EML4: variants seen among roughly 807,000 people sequenced by gnomAD.
EML4 encodes the protein EMAP like 4.
A neutral mutation model predicts 129.0 loss-of-function variants in EML4; 72 were observed. That is an observed-to-expected ratio of 0.56 (90% confidence interval 0.46 to 0.68). The LOEUF (loss-of-function observed/expected upper bound fraction) is 0.68, where lower values mean the gene tolerates loss of function less well. Among genes scored for constraint, EML4 ranks in the 30% least tolerant of loss-of-function variants. The pLI, the probability that EML4 is intolerant of heterozygous loss-of-function variation, is 0.00. For synonymous variants in EML4, 532 were observed against 405.0 expected, an observed-to-expected ratio of 1.31 and a Z score of -3.77; for missense variants, 1,363 against 1,190.6, an observed-to-expected ratio of 1.14 and a Z score of -2.13.
At chr2:42,310,866 A>C (rs555266046) in intron 17 of EML4, among the ~76,000 whole-genome samples, 5 of 152,336 alleles carry the variant, frequency 3.3e-5, no homozygotes, top group African/African-American at 1.2e-4. Context: ...CTCTGAGCCC[A>C]AAAGTCTTTT....
intron 1 of EML4, among the ~76,000 whole-genome samples, chr2:42,221,162 T>C (rs569098258): frequency 2.0e-5 from 3 of 152,176 alleles, no homozygotes; most frequent in African/African-American, 4.8e-5. Context: ...CACTGTCTTA[T>C]ATTAGAAAAA....
At chr2:42,175,371 C>T (rs1670541722) in intron 1 of EML4, among the ~76,000 whole-genome samples, 1 of 152,224 alleles carries the variant, frequency 6.6e-6, no homozygotes, top group African/African-American at 2.4e-5. Context: ...CCTCGGCCTT[C>T]CAAAGTGCTG....
chr2:42,192,446 G>A (rs1375507107), intron 1 of EML4, among the ~76,000 whole-genome samples: 2 of 151,896 alleles, frequency 1.3e-5, no homozygotes, highest in Non-Finnish European at 2.9e-5. Flanking sequence ...CACCACGTTG[G>A]CCGGACTGGT....
intron 13 of EML4, among the ~76,000 whole-genome samples, chr2:42,297,806 GA>G (rs1247469684): frequency 1.3e-5 from 2 of 152,190 alleles, no homozygotes; most frequent in Non-Finnish European, 2.9e-5. Flanking sequence ...TTGGATGGCA[GA>G]AGTATAATTT....
At chr2:42,282,736 CTTCCTAA>C in intron 7 of EML4, 80 bp from the exon 8 acceptor site, 1 of 1,180,794 alleles carries the variant, frequency 8.5e-7, no homozygotes, top group Non-Finnish European at 1.2e-6. Flanking sequence ...TTCATTGTAC[CTTCCTAA>C]TTCCTTAAGT....
intron 1 of EML4, among the ~76,000 whole-genome samples, chr2:42,220,274 T>C (rs1673500691): frequency 6.6e-6 from 1 of 150,930 alleles, no homozygotes; most frequent in Admixed American, 6.6e-5. Flanking sequence ...TGAAGGTTTT[T>C]GGCAACCCTG....
At position 42,305,921 on chromosome 2, in the gene EML4, G is replaced by C. The variant is rs1572727395; in HGVS notation, c.1967+1370G>C. Among the ~76,000 whole-genome samples, 3 of 152,094 alleles carry C rather than the reference G, an allele frequency of 2.0e-5. No individual in the cohort carries two copies. In the South Asian group the frequency reaches 6.2e-4, roughly 31 times the overall value. On this transcript the variant is annotated intron_variant, in intron 17 of 22. Coordinates refer to ENST00000318522, the MANE Select transcript of EML4 (RefSeq NM_019063.5). Reference sequence around the variant, plus strand: ...TAGCGATTTTTCCTTCTGGCTGTTAGATACAAATTAACACCTGAAATGTGA... The same window carrying C: ...TAGCGATTTTTCCTTCTGGCTGTTACATACAAATTAACACCTGAAATGTGA...
At chr2:42,203,005 G>A (rs748959081) in intron 1 of EML4, among the ~76,000 whole-genome samples, 8 of 152,100 alleles carry the variant, frequency 5.3e-5, no homozygotes, top group Admixed American at 1.3e-4. Flanking sequence ...TCCAGCCTGG[G>A]TGACAAGAGT....
In EML4 at chr2:42,331,032, G is replaced by A. The variant is rs1029278811; in HGVS notation, c.*825G>A. On this transcript the variant is annotated 3_prime_UTR_variant, in exon 23 of 23. Coordinates refer to ENST00000318522, the MANE Select transcript of EML4 (RefSeq NM_019063.5). ...TGTTTGAGATTCAAGTGAATGGAAGGAAAACCACATGCCTTTAAAACTAAA... is the reference window on the plus strand; with the variant it reads ...TGTTTGAGATTCAAGTGAATGGAAGAAAAACCACATGCCTTTAAAACTAAA... 2 of 215,356 alleles carry A rather than the reference G, an allele frequency of 9.3e-6. No homozygotes were observed. The highest frequency in any genetic ancestry group is 4.5e-5 in the African/African-American group (2 of 44,336). 13.3% of individuals were successfully genotyped at this position (215,356 alleles called of 1,614,324 possible).
At chr2:42,173,040 T>C (rs773741643) in intron 1 of EML4, among the ~76,000 whole-genome samples, 2 of 152,168 alleles carry the variant, frequency 1.3e-5, no homozygotes, top group Non-Finnish European at 2.9e-5. Context: ...AAAATCATAG[T>C]GAATGAAATT....
chr2:42,299,381 T>C (rs1361420441), intron 13 of EML4, among the ~76,000 whole-genome samples: 2 of 152,238 alleles, frequency 1.3e-5, no homozygotes, highest in East Asian at 1.9e-4. Context: ...AACTTCGATA[T>C]ATAATTCACA....
intron 1 of EML4, among the ~76,000 whole-genome samples, chr2:42,231,165 C>A (rs1037455119): frequency 1.3e-5 from 2 of 152,212 alleles, no homozygotes; most frequent in African/African-American, 4.8e-5. Context: ...GTAAAGATTC[C>A]TTAATACTGG....
At chr2:42,269,462 GTAGT>G (rs1666250343) in intron 6 of EML4, among the ~76,000 whole-genome samples, 1 of 152,158 alleles carries the variant, frequency 6.6e-6, no homozygotes, top group Non-Finnish European at 1.5e-5. Flanking sequence ...CAGAGTTACA[GTAGT>G]TACAGTGTTG....
Position 42,330,082 on chromosome 2 carries a change from G to A in EML4, c.2821G>A (p.Glu941Lys), listed in dbSNP as rs142699681. Residue 941 changes from glutamate (E) to lysine (K), a missense_variant, in exon 23 of 23, where the codon GAG (glutamate) becomes AAG (lysine). Glu to Lys is a moderately conservative substitution (Grantham distance 56, BLOSUM62 1). Transcript: ENST00000318522. ...VEPSEDHSEE[E>K]SEEGSGDLGE... The stretch of plus-strand genomic sequence containing the variant: ...GCCAAGTGAAGACCACAGCGAGGAG[G>A]AGAGTGAAGAGGGCAGCGGAGACCT... The A allele has an allele frequency of 4.3e-6, 7 of 1,613,106 alleles. No homozygotes were observed. In the South Asian group the frequency reaches 5.5e-5, roughly 13 times the overall value.
At chr2:42,180,487 G>T (rs1670869010) in intron 1 of EML4, among the ~76,000 whole-genome samples, 1 of 152,114 alleles carries the variant, frequency 6.6e-6, no homozygotes, top group African/African-American at 2.4e-5. Flanking sequence ...GGTGTGCCAG[G>T]TGCCCTCAGT....
chr2:42,251,701 T>C (rs1675778898), intron 2 of EML4, among the ~76,000 whole-genome samples: 1 of 152,196 alleles, frequency 6.6e-6, no homozygotes, highest in Non-Finnish European at 1.5e-5. Context: ...CCATGAGGCA[T>C]GTGATGGAGA....
chr2:42,320,544 A>G (rs1669464928), intron 19 of EML4, among the ~76,000 whole-genome samples: 1 of 152,190 alleles, frequency 6.6e-6, no homozygotes, highest in Admixed American at 6.5e-5. Context: ...AATATTAGGT[A>G]TTATTATTAG....
chr2:42,259,750 G>A lies in EML4; in HGVS notation c.339-1371G>A, dbSNP rs1665599207. Among the ~76,000 whole-genome samples the A allele has an allele frequency of 3.2e-5, 3 of 92,842 alleles. No homozygotes were observed. In the South Asian group the frequency reaches 1.2e-3, roughly 37 times the overall value. 60.9% of individuals were successfully genotyped at this position (92,842 alleles called of 152,430 possible). A position where few individuals can be genotyped will look rare whatever the true frequency, so the allele number is the denominator to read the frequency against. On this transcript the variant is annotated intron_variant, in intron 3 of 22. Coordinates refer to ENST00000318522, the MANE Select transcript of EML4 (RefSeq NM_019063.5). ...TTTTTTTTTTTTTTTTTTTTTTTGA[G>A]ACGGCGTCTCGCTCTGTCACCCAGG... is the stretch of plus-strand genomic sequence containing the variant.
intron 1 of EML4, among the ~76,000 whole-genome samples, chr2:42,218,008 G>A (rs929853759): frequency 3.9e-5 from 6 of 152,108 alleles, no homozygotes; most frequent in Non-Finnish European, 7.4e-5. Context: ...TAATGAAGTG[G>A]GCTGTAGAAC....
Sources: gnomAD v4.1 joint callset for allele counts (sites outside exome capture counted in the v4.1 genomes callset) on GRCh38, gnomAD v4.1.1 for gene constraint, MANE v1.5 for transcripts, NCBI Gene and HGNC (gene_info 2026-07-23, HGNC 2026-07-21) for gene names.